ELMO1: variants seen among roughly 807,000 people sequenced by gnomAD.
ELMO1 encodes engulfment and cell motility protein 1.
In ELMO1, 26 loss-of-function variants were observed where a neutral mutation model predicts 98.9. The observed-to-expected ratio is 0.26, with a 90% CI of 0.19 to 0.36. ELMO1 has a LOEUF of 0.36. Ranked by LOEUF, ELMO1 falls within the 10% of genes least tolerant of loss-of-function variation. ELMO1 has a pLI of 1.00. For synonymous variants in ELMO1, 346 were observed against 346.0 expected (o/e 1.00, Z 0.00); for missense variants, 627 against 935.2 (o/e 0.67, Z 4.30).
chr7:37,247,014 C>A (rs1054479742), intron 6 of ELMO1, among the ~76,000 whole-genome samples: 17 of 152,046 alleles, frequency 1.1e-4, no homozygotes, highest in African/African-American at 4.1e-4. Flanking sequence ...GCTCTTTTGA[C>A]TTTTTCTTTA....
chr7:36,938,349 C>G (rs1304304332), intron 16 of ELMO1, among the ~76,000 whole-genome samples: 1 of 152,192 alleles, frequency 6.6e-6, no homozygotes, highest in East Asian at 1.9e-4. Context: ...TGCTGTTGAA[C>G]CACATGTGGG....
At chr7:36,911,297 A>G (rs1299569806) in intron 16 of ELMO1, among the ~76,000 whole-genome samples, 1 of 152,232 alleles carries the variant, frequency 6.6e-6, no homozygotes, top group Non-Finnish European at 1.5e-5. Context: ...ATACAATTTT[A>G]GAAAAGAAGT....
chr7:36,999,633 C>T lies in ELMO1; in HGVS notation c.1437+13666G>A, dbSNP rs1686431020. On this transcript the variant is annotated intron_variant, in intron 16 of 21. Coordinates refer to ENST00000310758, the MANE Select transcript of ELMO1 (RefSeq NM_014800.11). ...TAATAGAAGAAGACTGTGTCAGAAA[C>T]CAACAGTAAATGCTTATGGGTAAAT... is the stretch of plus-strand genomic sequence containing the variant. 1.3e-5 allele frequency among the ~76,000 whole-genome samples: 2 copies of T among 152,174 alleles called. 1 individual carries two copies. The highest frequency in any genetic ancestry group is 4.8e-5 in the African/African-American group (2 of 41,442).
At chr7:36,980,976 T>C (rs1044757182) in intron 16 of ELMO1, among the ~76,000 whole-genome samples, 3 of 152,112 alleles carry the variant, frequency 2.0e-5, no homozygotes, top group East Asian at 1.9e-4. Context: ...CCAACCAACA[T>C]TCACAAGGCA....
rs997250479 is a variant in ELMO1 at position 36,870,987 on chromosome 7, A to C, written c.1823-512T>G. On this transcript the variant is annotated intron_variant, in intron 19 of 21. Coordinates refer to ENST00000310758, the MANE Select transcript of ELMO1 (RefSeq NM_014800.11). This position sits in a 1 kb window ranked among gnomAD's most constrained non-coding sequence, Gnocchi z 4.4. ...TCAAAAAATTTATCCAACTCTAAAC[A>C]GTTCTGAACTCTCACTCTCCAAAAT... Among the ~76,000 whole-genome samples the C allele has an allele frequency of 6.6e-6, 1 of 152,252 alleles. No homozygotes were observed. The highest frequency in any genetic ancestry group is 1.5e-5 in the Non-Finnish European group (1 of 68,046).
At chr7:37,381,831 A>G (rs981259662) in intron 1 of ELMO1, among the ~76,000 whole-genome samples, 1 of 152,152 alleles carries the variant, frequency 6.6e-6, no homozygotes, top group Non-Finnish European at 1.5e-5. Flanking sequence ...GTAAAATTTC[A>G]TTTCCTCTTC....
At chr7:37,170,168 G>T (rs530626972) in intron 13 of ELMO1, among the ~76,000 whole-genome samples, 2 of 152,344 alleles carry the variant, frequency 1.3e-5, no homozygotes, top group South Asian at 4.1e-4. Context: ...GCCTCCCAAA[G>T]TGCTGGGATT....
chr7:37,125,429 C>T (rs1444022128), intron 14 of ELMO1, among the ~76,000 whole-genome samples: 1 of 152,154 alleles, frequency 6.6e-6, no homozygotes, highest in Non-Finnish European at 1.5e-5. Context: ...AGAACTCAAA[C>T]AAATTTACAA....
At chr7:36,992,457 C>G (rs1403595935) in intron 16 of ELMO1, among the ~76,000 whole-genome samples, 2 of 152,148 alleles carry the variant, frequency 1.3e-5, no homozygotes. Flanking sequence ...TCCAAATATA[C>G]CATGGAAATG....
chr7:37,217,146 TAATACATATAC>T (rs1793331633), intron 10 of ELMO1, among the ~76,000 whole-genome samples: 1 of 152,150 alleles, frequency 6.6e-6, no homozygotes, highest in Non-Finnish European at 1.5e-5. Context: ...AAAGAGTGAG[TAATACATATAC>T]CAGGCTACAT....
intron 1 of ELMO1, among the ~76,000 whole-genome samples, chr7:37,444,928 A>G (rs1004999507): frequency 1.3e-5 from 2 of 152,242 alleles, no homozygotes; most frequent in African/African-American, 4.8e-5. Flanking sequence ...TTAAAAGGAG[A>G]TAGCTAAGTA....
intron 5 of ELMO1, among the ~76,000 whole-genome samples, chr7:37,267,011 T>TA (rs1217111170): frequency 0.015 from 1,023 of 67,786 alleles, 89 homozygotes; most frequent in South Asian, 0.13. Context: ...AGACTCCATC[T>TA]AAAAAAAAAA....
intron 15 of ELMO1, among the ~76,000 whole-genome samples, chr7:37,075,372 G>A (rs1420270486): frequency 4.0e-5 from 6 of 149,696 alleles, no homozygotes; most frequent in Non-Finnish European, 8.9e-5. Context: ...AGCCAGGATG[G>A]TCTCGATCTC....
At chr7:37,154,571 T>C (rs1788597008) in intron 13 of ELMO1, among the ~76,000 whole-genome samples, 1 of 152,038 alleles carries the variant, frequency 6.6e-6, no homozygotes, top group African/African-American at 2.4e-5. Context: ...TATCAGTGAT[T>C]GAAGATCAAA....
intron 1 of ELMO1, among the ~76,000 whole-genome samples, chr7:37,411,387 T>A (rs547451176): frequency 6.6e-6 from 1 of 152,196 alleles, no homozygotes; most frequent in Non-Finnish European, 1.5e-5. Flanking sequence ...GTGGGTACAA[T>A]AAATTGTAGC....
chr7:36,910,449 A>G (rs1338062852), intron 16 of ELMO1, among the ~76,000 whole-genome samples: 1 of 152,208 alleles, frequency 6.6e-6, no homozygotes, highest in Non-Finnish European at 1.5e-5. Context: ...TATAATCTCA[A>G]TCTAAAAAGT....
At chr7:37,055,915 T>C (rs865883362) in intron 15 of ELMO1, among the ~76,000 whole-genome samples, 1 of 152,206 alleles carries the variant, frequency 6.6e-6, no homozygotes, top group Non-Finnish European at 1.5e-5. Context: ...CCCTAAATTT[T>C]CATGTTTTAT....
intron 4 of ELMO1, among the ~76,000 whole-genome samples, chr7:37,312,570 C>T (rs1021825837): frequency 2.0e-5 from 3 of 152,160 alleles, no homozygotes; most frequent in Admixed American, 2.0e-4. Flanking sequence ...ATATCCAAGT[C>T]CCACTCACTC....
chr7:37,312,009 A>G (rs563033412), intron 4 of ELMO1, among the ~76,000 whole-genome samples: 10 of 152,384 alleles, frequency 6.6e-5, no homozygotes, highest in Admixed American at 5.2e-4. Flanking sequence ...GGAAAAAAGC[A>G]TAACCATTAT....
Sources: gnomAD v4.1 joint callset for allele counts (sites outside exome capture counted in the v4.1 genomes callset) on GRCh38, gnomAD v4.1.1 for gene constraint, Gnocchi (gnomAD v3.1) non-coding constraint, MANE v1.5 for transcripts, NCBI Gene and HGNC (gene_info 2026-07-23, HGNC 2026-07-21) for gene names.